Variants in RIMS2 observed in about 807,000 individuals in gnomAD.
RIMS2 encodes regulating synaptic membrane exocytosis protein 2.
A neutral mutation model predicts 174.4 loss-of-function variants in RIMS2; 59 were observed. The observed-to-expected ratio is 0.34, with a 90% confidence interval of 0.27 to 0.42. The LOEUF (loss-of-function observed/expected upper bound fraction) is 0.42. RIMS2 is among the 10% of genes least tolerant of loss of function. RIMS2 has a pLI of 1.00. For synonymous variants in RIMS2, 606 were observed against 572.5 expected, an observed-to-expected ratio of 1.06 and a Z score of -0.84; for missense variants, 1,620 against 1,666.3, an observed-to-expected ratio of 0.97 and a Z score of 0.48.
At chr8:104,059,856 A>G (rs1388204765) in intron 19 of RIMS2, among the ~76,000 whole-genome samples, 2 of 152,254 alleles carry the variant, frequency 1.3e-5, no homozygotes, top group Non-Finnish European at 1.5e-5. Context: ...TGTTCTGTTT[A>G]TATGCTGGAT....
At chr8:103,969,972 A>G (rs2092677183) in intron 15 of RIMS2, among the ~76,000 whole-genome samples, 1 of 151,748 alleles carries the variant, frequency 6.6e-6, no homozygotes, top group African/African-American at 2.4e-5. Flanking sequence ...CAGGTCTTCA[A>G]CTCCTGACCT....
At chr8:103,907,031 G>A (rs1001626860) in intron 4 of RIMS2, among the ~76,000 whole-genome samples, 9 of 152,188 alleles carry the variant, frequency 5.9e-5, no homozygotes, top group African/African-American at 1.7e-4. Context: ...TATTGTGTGT[G>A]TTAGGTAATA....
chr8:103,988,754 C>T (rs1316530728), intron 16 of RIMS2, among the ~76,000 whole-genome samples: 1 of 152,134 alleles, frequency 6.6e-6, no homozygotes, highest in African/African-American at 2.4e-5. Context: ...GCCACCACAC[C>T]CAGCCTAGGT....
chr8:103,671,177 T>C (rs1376092498), intron 1 of RIMS2, among the ~76,000 whole-genome samples: 1 of 149,808 alleles, frequency 6.7e-6, no homozygotes, highest in South Asian at 2.1e-4. Context: ...TTCACTACCA[T>C]GGGAACAATA....
intron 15 of RIMS2, among the ~76,000 whole-genome samples, chr8:103,974,045 G>C (rs985869459): frequency 5.9e-5 from 9 of 152,134 alleles, no homozygotes; most frequent in African/African-American, 1.7e-4. Context: ...CTCAAAGTCA[G>C]ACCAACCCTG....
chr8:103,871,943 A>T (rs2099114273), intron 3 of RIMS2, among the ~76,000 whole-genome samples: 1 of 152,182 alleles, frequency 6.6e-6, no homozygotes, highest in Non-Finnish European at 1.5e-5. Context: ...TCTTTACAAT[A>T]ATAAAGTCTC....
At chr8:104,109,950 C>A (rs1000836250) in intron 19 of RIMS2, among the ~76,000 whole-genome samples, 7 of 152,094 alleles carry the variant, frequency 4.6e-5, no homozygotes, top group Non-Finnish European at 5.9e-5. Flanking sequence ...ATGTGCTAGA[C>A]CCTGTGCCAA....
At chr8:103,660,387 C>G (rs1164775067) in intron 1 of RIMS2, among the ~76,000 whole-genome samples, 1 of 152,212 alleles carries the variant, frequency 6.6e-6, no homozygotes, top group Non-Finnish European at 1.5e-5. Flanking sequence ...ATCTGCTCAG[C>G]TCTGGTACCT....
intron 19 of RIMS2, among the ~76,000 whole-genome samples, chr8:104,224,691 A>G (rs374363896): frequency 3.9e-5 from 6 of 152,338 alleles, no homozygotes; most frequent in South Asian, 2.1e-4. Flanking sequence ...GAGAAAATCA[A>G]TGACCTCTTA....
chr8:104,140,265 T>G (rs975645273), intron 19 of RIMS2, among the ~76,000 whole-genome samples: 1 of 152,188 alleles, frequency 6.6e-6, no homozygotes, highest in Non-Finnish European at 1.5e-5. Context: ...CTACATGTCA[T>G]AATTTTTACC....
chr8:103,586,901 A>G (rs2093952478), intron 1 of RIMS2, among the ~76,000 whole-genome samples: 1 of 152,060 alleles, frequency 6.6e-6, no homozygotes, highest in Non-Finnish European at 1.5e-5. Context: ...GAAAAAGGAG[A>G]CATTACAACT....
chr8:103,855,556 T>A (rs890685589), intron 3 of RIMS2, among the ~76,000 whole-genome samples: 2 of 152,146 alleles, frequency 1.3e-5, no homozygotes, highest in African/African-American at 4.8e-5. Context: ...GTAAGTTGTG[T>A]CTTTATTTTC....
At chr8:103,538,998 G>A (rs1452544802) in intron 1 of RIMS2, among the ~76,000 whole-genome samples, 2 of 152,148 alleles carry the variant, frequency 1.3e-5, no homozygotes, top group Non-Finnish European at 2.9e-5. Flanking sequence ...CACCTTTTAT[G>A]CTTTGCATAT....
intron 19 of RIMS2, among the ~76,000 whole-genome samples, chr8:104,231,141 CGTGAGCTCACCTTTGAA>C (rs2099225867): frequency 6.6e-6 from 1 of 152,088 alleles, no homozygotes; most frequent in Admixed American, 6.6e-5. Context: ...GTTTGGGACA[CGTGAGCTCACCTTTGAA>C]GTGATCTGAT....
chr8:103,663,014 CA>C (rs2096623028), intron 1 of RIMS2, among the ~76,000 whole-genome samples: 1 of 151,844 alleles, frequency 6.6e-6, no homozygotes, highest in Non-Finnish European at 1.5e-5. Context: ...ACTAAAAATA[CA>C]AAAAATTAGC....
At chr8:104,011,305 G>GT (rs1180585179) in intron 17 of RIMS2, among the ~76,000 whole-genome samples, 3 of 151,892 alleles carry the variant, frequency 2.0e-5, no homozygotes, top group Non-Finnish European at 4.4e-5. Context: ...TTCTACTGTG[G>GT]TTCTTTTCAT....
intron 1 of RIMS2, among the ~76,000 whole-genome samples, chr8:103,599,512 C>G (rs947226548): frequency 1.3e-5 from 2 of 151,212 alleles, no homozygotes; most frequent in Non-Finnish European, 2.9e-5. Flanking sequence ...GATCTCTGCT[C>G]AATGCAACCC....
intron 17 of RIMS2, among the ~76,000 whole-genome samples, chr8:104,003,470 A>G (rs1440149619): frequency 6.6e-6 from 1 of 151,502 alleles, no homozygotes; most frequent in Admixed American, 6.6e-5. Context: ...TGGAGTGCCA[A>G]TGGCATGATC....
At chr8:104,059,487 T>A (rs2096936799) in intron 19 of RIMS2, among the ~76,000 whole-genome samples, 1 of 150,590 alleles carries the variant, frequency 6.6e-6, no homozygotes, top group African/African-American at 2.4e-5. Context: ...AATGGGGTTT[T>A]CTAGATATAC....
Sources: allele counts gnomAD v4.1 joint callset (sites outside exome capture counted in the v4.1 genomes callset), GRCh38; gene constraint gnomAD v4.1.1; transcripts MANE v1.5; gene names NCBI Gene and HGNC (gene_info 2026-07-23, HGNC 2026-07-21).